PKHD1L1: variants seen among roughly 807,000 people sequenced by gnomAD.
PKHD1L1 encodes the protein PKHD1 like 1.
In PKHD1L1, 434 loss-of-function variants were observed where a neutral mutation model predicts 462.9. That is an observed-to-expected ratio of 0.94 (90% CI 0.87 to 1.02). PKHD1L1 has a LOEUF of 1.02. PKHD1L1 is among the 50% of genes least tolerant of loss of function. PKHD1L1 has a pLI of 0.00. For synonymous variants in PKHD1L1, 1,781 were observed against 1,750.0 expected, an observed-to-expected ratio of 1.02 and a Z score of -0.44; for missense variants, 5,202 against 5,096.1, an observed-to-expected ratio of 1.02 and a Z score of -0.63.
In PKHD1L1 at chr8:109,480,044, T is replaced by TG; in HGVS notation, c.9238dup (p.Val3080GlyfsTer7). 1.3e-6 allele frequency: 2 copies of TG among 1,594,888 alleles called. No individual in the cohort carries two copies. The highest frequency in any genetic ancestry group is 1.7e-6 in the Non-Finnish European group (2 of 1,172,132). On this transcript the variant is annotated frameshift_variant, in exon 55 of 78. Coordinates refer to ENST00000378402, the MANE Select transcript of PKHD1L1 (RefSeq NM_177531.6). LOFTEE classifies it high-confidence loss of function. ...GCCATCAATGGAAAGACTCATTATT[T>TG]GGGGGGTTCTAGAACTGGAAGATAA...
intron 21 of PKHD1L1, among the ~76,000 whole-genome samples, chr8:109,416,068 G>T (rs1247064217): frequency 2.0e-5 from 3 of 152,062 alleles, no homozygotes; most frequent in Non-Finnish European, 4.4e-5. Context: ...TTAAATACAG[G>T]TGTCAGTATC....
intron 72 of PKHD1L1, 84 bp from the exon 73 acceptor site, chr8:109,518,083 A>T: frequency 2.2e-6 from 2 of 900,260 alleles, no homozygotes; most frequent in Non-Finnish European, 1.6e-6. Context: ...GACTTTCTAA[A>T]TTCAAACAAA....
rs1353003348 is a variant in PKHD1L1 at position 109,536,019 on chromosome 8, G to A, written c.*5929G>A. ...AGAAGGTAGAAGCGGGGGTATGGAG[G>A]GTTGACTTCTGGCTGTCCCTCCCTG... On this transcript the variant is annotated 3_prime_UTR_variant, in exon 78 of 78. Transcript: ENST00000378402. 6.6e-6 allele frequency among the ~76,000 whole-genome samples: 1 copy of A among 152,092 alleles called. No individual in the cohort carries two copies. Among genetic ancestry groups the A allele is most frequent in the Non-Finnish European group, 1.5e-5 (1 of 68,018 alleles).
In PKHD1L1 at chr8:109,381,470, A is replaced by G. The variant is rs904833119; in HGVS notation, c.264A>G (p.Val88=). 2.3e-5 allele frequency: 36 copies of G among 1,584,400 alleles called. No homozygotes were observed. The highest frequency in any genetic ancestry group is 3.1e-5 in the Non-Finnish European group (36 of 1,162,722). ...CTTTCCAGTCAATTACTTGTGATGT[A>G]GAAAAAGATGCAAGTCATTCAACTC... ...ISSFQSITCD[V]EKDASHSTQI... Residue 88 remains valine (V), a synonymous_variant, in exon 3 of 78, where the codon GTA becomes GTG. Transcript: ENST00000378402.
rs766826714 is a variant in PKHD1L1 at position 109,445,227 on chromosome 8, A to T, written c.5358A>T (p.Gln1786His). 2 of 1,613,914 alleles carry T rather than the reference A, an allele frequency of 1.2e-6. No homozygotes were observed. The highest frequency in any genetic ancestry group is 2.7e-5 in the African/African-American group (2 of 74,946). Reference protein sequence around the residue: ...LEDIAVFIGNQQFRAIEVNEN... With the variant: ...LEDIAVFIGNHQFRAIEVNEN... Reference sequence around the variant, plus strand: ...ACATTGCTGTTTTCATTGGAAATCAACAGTTCAGAGCAATAGAGGTTAATG... The same window carrying T: ...ACATTGCTGTTTTCATTGGAAATCATCAGTTCAGAGCAATAGAGGTTAATG... The change falls in exon 38 of 78, where the codon CAA (glutamine) becomes CAT (histidine). Residue 1786 changes from glutamine (Q) to histidine (H), a missense_variant. Physicochemically the swap from Gln to His is conservative, Grantham distance 24 (BLOSUM62 0). Coordinates refer to ENST00000378402, the MANE Select transcript of PKHD1L1 (RefSeq NM_177531.6).
intron 2 of PKHD1L1, among the ~76,000 whole-genome samples, chr8:109,378,229 C>T (rs971953290): frequency 2.0e-5 from 3 of 152,170 alleles, no homozygotes; most frequent in Non-Finnish European, 4.4e-5. Context: ...TTATTTATCC[C>T]ATTTTTCACT....
intron 50 of PKHD1L1, among the ~76,000 whole-genome samples, chr8:109,471,652 A>G (rs1240150355): frequency 6.6e-6 from 1 of 152,166 alleles, no homozygotes; most frequent in Non-Finnish European, 1.5e-5. Context: ...TATACCGCCC[A>G]TAGTGCTTCA....
At chr8:109,390,999 A>T in intron 9 of PKHD1L1, among the ~76,000 whole-genome samples, 1 of 152,192 alleles carries the variant, frequency 6.6e-6, no homozygotes, top group East Asian at 1.9e-4. Flanking sequence ...TCATTTCCAG[A>T]TGTTCTACAT....
chr8:109,385,502 C>T, intron 5 of PKHD1L1, 35 bp from the exon 6 acceptor site: 1 of 1,405,690 alleles, frequency 7.1e-7, no homozygotes, highest in Non-Finnish European at 9.9e-7. Context: ...GATTTTCTTA[C>T]ACAGAATCTT....
chr8:109,501,831 G>A (rs1316929484), intron 67 of PKHD1L1, among the ~76,000 whole-genome samples: 3 of 152,046 alleles, frequency 2.0e-5, no homozygotes, highest in Non-Finnish European at 4.4e-5. Context: ...CTTATTGGTG[G>A]GAAATAGCAT....
rs1819929561 is a variant in PKHD1L1 at position 109,510,763 on chromosome 8, T to C, written c.11396-14T>C. 1.2e-6 allele frequency: 2 copies of C among 1,607,800 alleles called. No homozygotes were observed. The highest frequency in any genetic ancestry group is 1.7e-6 in the Non-Finnish European group (2 of 1,177,572). Reference sequence around the variant, plus strand: ...TGATATAGGAGTATGCACTTTCATTTTGCATGGATTTAGGCCCACAGGATC... The same window carrying C: ...TGATATAGGAGTATGCACTTTCATTCTGCATGGATTTAGGCCCACAGGATC... On this transcript the variant is annotated splice_polypyrimidine_tract_variant and intron_variant, in intron 70 of 77. Transcript: ENST00000378402.
chr8:109,496,815 T>C, intron 63 of PKHD1L1, 104 bp from the exon 64 acceptor site: 19 of 1,200,474 alleles, frequency 1.6e-5, no homozygotes, highest in East Asian at 2.4e-5. Flanking sequence ...GAATTATGTA[T>C]GTAATTTTGA....
chr8:109,451,279 C>G (rs1473629899), intron 41 of PKHD1L1, 130 bp downstream of exon 41: 1 of 997,270 alleles, frequency 1.0e-6, no homozygotes, highest in Non-Finnish European at 1.4e-6. Flanking sequence ...GTAACTTAAG[C>G]TTAAGGCAAA....
intron 2 of PKHD1L1, among the ~76,000 whole-genome samples, chr8:109,370,383 G>A (rs1198835375): frequency 6.6e-6 from 1 of 151,964 alleles, no homozygotes; most frequent in Non-Finnish European, 1.5e-5. Context: ...TAAAGTGCTG[G>A]GATTGCAGGC....
intron 50 of PKHD1L1, among the ~76,000 whole-genome samples, chr8:109,468,357 C>T (rs920577061): frequency 2.0e-5 from 3 of 152,268 alleles, no homozygotes; most frequent in Admixed American, 1.3e-4. Context: ...GACATAATAG[C>T]TTTCTTGTTA....
At position 109,477,252 on chromosome 8, in the gene PKHD1L1, G is replaced by C; in HGVS notation, c.8945G>C (p.Ser2982Thr). The C allele has an allele frequency of 6.2e-7, 1 of 1,613,226 alleles. No individual in the cohort carries two copies. Among genetic ancestry groups the C allele is most frequent in the Admixed American group, 1.7e-5 (1 of 59,936 alleles). The change falls in exon 53 of 78, where the codon AGT becomes ACT. Residue 2982 changes from serine to threonine, a missense_variant. By Grantham distance (58) the Ser-to-Thr change is moderately conservative. This residue lies in a region of PKHD1L1 where 4,497 missense variants were observed against 4,336.8 expected (regional missense o/e 1.04). Transcript: ENST00000378402. ...TCAGGAAGAAATGACCTTCATCAGA[G>C]TCAGCTCATTTCTGGGAACCTGGAT... ...LVSGRNDLHQ[S>T]QLISGNLDPD... is the part of the protein sequence containing the mutation.
At chr8:109,422,633 A>G (rs1000981897) in intron 23 of PKHD1L1, among the ~76,000 whole-genome samples, 1 of 152,024 alleles carries the variant, frequency 6.6e-6, no homozygotes, top group Non-Finnish European at 1.5e-5. Context: ...AGGACATTTG[A>G]GTTGTTTCTT....
At chr8:109,415,395 C>G (rs528533134) in intron 21 of PKHD1L1, among the ~76,000 whole-genome samples, 2 of 152,090 alleles carry the variant, frequency 1.3e-5, no homozygotes, top group Non-Finnish European at 2.9e-5. Context: ...ATATGTTGGA[C>G]GGGAAAGGAA....
intron 67 of PKHD1L1, 31 bp downstream of exon 67, chr8:109,498,802 A>C: frequency 2.2e-5 from 33 of 1,507,188 alleles, no homozygotes; most frequent in Non-Finnish European, 2.9e-5. Flanking sequence ...AAATCTTCTC[A>C]ATTAATTTCT....
Sources: gnomAD v4.1 joint callset for allele counts (sites outside exome capture counted in the v4.1 genomes callset) on GRCh38, gnomAD v4.1.1 for gene constraint, gnomAD v4.1.1 regional missense constraint, MANE v1.5 for transcripts, NCBI Gene and HGNC (gene_info 2026-07-23, HGNC 2026-07-21) for gene names.